Variants in VPS8 observed in about 807,000 individuals in gnomAD.
VPS8 encodes the protein VPS8 subunit of CORVET complex.
Under a neutral mutation model 216.4 loss-of-function variants are expected in VPS8, and 129 were observed. The ratio of observed to expected loss-of-function variants is 0.60; its 90% CI spans 0.52 to 0.69. The LOEUF (loss-of-function observed/expected upper bound fraction) is 0.69. Ranked by LOEUF, VPS8 falls within the 30% of genes least tolerant of loss-of-function variation. The pLI is 0.00. For synonymous variants in VPS8, 571 were observed against 565.4 expected (o/e 1.01, Z -0.14); for missense variants, 1,531 against 1,683.5 (o/e 0.91, Z 1.59).
At chr3:184,882,284 A>G (rs139842232) in intron 21 of VPS8, 408 of 422,222 alleles carry the variant, frequency 9.7e-4, no homozygotes, top group Non-Finnish European at 1.7e-3. Context: ...TCATGAATGG[A>G]TATTGAATTT....
chr3:184,899,707 CAACT>C (rs1208051269), intron 24 of VPS8, among the ~76,000 whole-genome samples: 3 of 152,198 alleles, frequency 2.0e-5, no homozygotes, highest in Non-Finnish European at 4.4e-5. Context: ...CTGCATGCCA[CAACT>C]AAGCCACAAT....
intron 22 of VPS8, among the ~76,000 whole-genome samples, chr3:184,889,221 A>G (rs542659172): frequency 4.0e-4 from 61 of 152,190 alleles, no homozygotes; most frequent in African/African-American, 1.4e-3. Context: ...TTATTTCTTT[A>G]TTTTTGTCAA....
chr3:184,933,580 CT>C (rs1416475301), intron 34 of VPS8, among the ~76,000 whole-genome samples: 2 of 151,856 alleles, frequency 1.3e-5, no homozygotes, highest in Non-Finnish European at 2.9e-5. Flanking sequence ...ATTTCCCCCC[CT>C]CTTTATGTCC....
intron 34 of VPS8, among the ~76,000 whole-genome samples, chr3:184,932,752 A>G (rs1740905001): frequency 6.6e-6 from 1 of 152,186 alleles, no homozygotes; most frequent in South Asian, 2.1e-4. Flanking sequence ...ATTTTTGCCC[A>G]GTATTTTGTT....
rs528904456 is a variant in VPS8, at chr3:184,861,001, T to A, written c.1224+936T>A. Reference sequence around the variant, plus strand: ...TCACGCCTGGCTAATTTTTTGTATTTTTAGTACAGACAGGATTTCACCGTG... The same window carrying A: ...TCACGCCTGGCTAATTTTTTGTATTATTAGTACAGACAGGATTTCACCGTG... On this transcript the variant is annotated intron_variant, in intron 15 of 47. Transcript: ENST00000625842. 1.1e-3 allele frequency among the ~76,000 whole-genome samples: 163 copies of A among 152,140 alleles called. 2 individuals carry two copies. Among genetic ancestry groups the A allele is most frequent in the Non-Finnish European group, 2.1e-3 (142 of 67,998 alleles).
At chr3:185,013,459 A>G (rs150800771) in intron 45 of VPS8, among the ~76,000 whole-genome samples, 1 of 152,180 alleles carries the variant, frequency 6.6e-6, no homozygotes, top group African/African-American at 2.4e-5. Context: ...ATCCATTTTA[A>G]TGGGTTACTA....
chr3:184,989,055 A>G (rs1314479474), intron 42 of VPS8, among the ~76,000 whole-genome samples: 2 of 152,202 alleles, frequency 1.3e-5, no homozygotes, highest in African/African-American at 4.8e-5. Context: ...TGTCATCTGC[A>G]AACAAAGACA....
At chr3:184,998,094 C>T (rs1424993588) in intron 44 of VPS8, among the ~76,000 whole-genome samples, 1 of 152,152 alleles carries the variant, frequency 6.6e-6, no homozygotes. Flanking sequence ...GTGAAAGAGA[C>T]TTCAGAGGAG....
intron 46 of VPS8, among the ~76,000 whole-genome samples, chr3:185,035,945 G>A (rs905320547): frequency 4.6e-5 from 7 of 152,128 alleles, no homozygotes; most frequent in Non-Finnish European, 8.8e-5. Flanking sequence ...AAAATCAGTA[G>A]CATTTCTATA....
In VPS8 at chr3:184,900,971, A is replaced by G. The variant is rs746255416; in HGVS notation, c.2145A>G (p.Thr715=). Residue 715 remains threonine (T), a splice_region_variant and synonymous_variant, in exon 25 of 48, where the codon ACA becomes ACG. Coordinates refer to ENST00000625842, the MANE Select transcript of VPS8 (RefSeq NM_001009921.3). ...CTCTGAATGCAGGAAAAACACTAAC[A>G]GGTATTTATTTTCTAAGCCTTAATT... ...APPLNAGKTL[T]DEQVVMGNKL... is the part of the protein sequence containing the mutation. 76 of 1,604,142 alleles carry G rather than the reference A, an allele frequency of 4.7e-5. No homozygotes were observed.
intron 25 of VPS8, among the ~76,000 whole-genome samples, chr3:184,903,293 G>A (rs1392220689): frequency 6.6e-6 from 1 of 151,718 alleles, no homozygotes; most frequent in Admixed American, 6.6e-5. Context: ...CTATATAAAC[G>A]TTAAAATCAG....
chr3:184,979,970 T>A (rs1749925780), intron 40 of VPS8, among the ~76,000 whole-genome samples: 1 of 152,212 alleles, frequency 6.6e-6, no homozygotes, highest in South Asian at 2.1e-4. Flanking sequence ...CTTGAGGACC[T>A]CTTGTAAGAC....
At chr3:185,044,940 G>T (rs1298731845) in intron 46 of VPS8, among the ~76,000 whole-genome samples, 1 of 152,192 alleles carries the variant, frequency 6.6e-6, no homozygotes, top group African/African-American at 2.4e-5. Context: ...CAGAGGGGAA[G>T]GAGGTGTGTG....
intron 39 of VPS8, among the ~76,000 whole-genome samples, chr3:184,968,852 A>G (rs1347436820): frequency 1.3e-5 from 2 of 152,144 alleles, no homozygotes; most frequent in South Asian, 2.1e-4. Context: ...TTTCACTAAC[A>G]TACCATTTCC....
At chr3:184,971,602 A>T in intron 39 of VPS8, 47 bp from the exon 40 acceptor site, 2 of 1,473,700 alleles carry the variant, frequency 1.4e-6, no homozygotes, top group South Asian at 2.5e-5. Context: ...CTCTGAGATT[A>T]TCAGCAACAT....
In VPS8 at chr3:185,011,284, T is replaced by C. The variant is rs1352478050; in HGVS notation, c.4002+11423T>C. 2.6e-5 allele frequency among the ~76,000 whole-genome samples: 4 copies of C among 152,282 alleles called. No homozygotes were observed. The South Asian group carries it at 8.3e-4, about 32-fold the overall frequency. On this transcript the variant is annotated intron_variant, in intron 45 of 47. Transcript: ENST00000625842. ...GCAGAAACTATAGGGAATGCAAACC[T>C]TGAAAGAAGGGAAGCAAACTAGACG... is the stretch of plus-strand genomic sequence containing the variant.
intron 21 of VPS8, among the ~76,000 whole-genome samples, chr3:184,884,282 C>G (rs1192746361): frequency 6.6e-6 from 1 of 151,962 alleles, no homozygotes; most frequent in African/African-American, 2.4e-5. Flanking sequence ...TCCAAGTGTT[C>G]TCATTGTTCA....
intron 3 of VPS8, among the ~76,000 whole-genome samples, chr3:184,828,014 C>T (rs371491961): frequency 6.6e-6 from 1 of 151,838 alleles, no homozygotes; most frequent in Admixed American, 6.6e-5. Flanking sequence ...TGAAAAGGGC[C>T]GAAGTAGAAA....
chr3:184,958,207 A>G (rs1745941314), intron 37 of VPS8, among the ~76,000 whole-genome samples: 1 of 152,206 alleles, frequency 6.6e-6, no homozygotes, highest in South Asian at 2.1e-4. Context: ...AGATTGGAAC[A>G]AGTGGAAAGG....
Sources: gnomAD v4.1 joint callset for allele counts (sites outside exome capture counted in the v4.1 genomes callset) on GRCh38, gnomAD v4.1.1 for gene constraint, MANE v1.5 for transcripts, NCBI Gene and HGNC (gene_info 2026-07-23, HGNC 2026-07-21) for gene names.